Variants in RASA1 observed in about 807,000 individuals in gnomAD.
The protein encoded by RASA1 is RAS p21 protein activator 1, also known as ras GTPase-activating protein 1.
A neutral mutation model predicts 132.2 loss-of-function variants in RASA1; 25 were observed. That is an observed-to-expected ratio of 0.19 (90% CI 0.14 to 0.26). The LOEUF (loss-of-function observed/expected upper bound fraction) is 0.26, where lower values mean the gene tolerates loss of function less well. Among genes scored for constraint, RASA1 ranks in the 10% least tolerant of loss-of-function variants. The pLI, the probability that RASA1 is intolerant of heterozygous loss-of-function variation, is 1.00. For synonymous variants in RASA1, 477 were observed against 449.9 expected (o/e 1.06, Z -0.76); for missense variants, 964 against 1,299.2 (o/e 0.74, Z 3.97).
intron 1 of RASA1, among the ~76,000 whole-genome samples, chr5:87,300,118 C>T (rs931194577): frequency 6.6e-6 from 1 of 152,132 alleles, no homozygotes; most frequent in African/African-American, 2.4e-5. Flanking sequence ...CCTGTAATCC[C>T]AGCACTTTGA....
chr5:87,321,943 T>C (rs935467849), intron 1 of RASA1, among the ~76,000 whole-genome samples: 1 of 152,164 alleles, frequency 6.6e-6, no homozygotes, highest in African/African-American at 2.4e-5. Flanking sequence ...GTCAGGGATA[T>C]TGTTTCCTGA....
intron 12 of RASA1, among the ~76,000 whole-genome samples, chr5:87,370,169 C>T (rs961640061): frequency 6.6e-6 from 1 of 152,126 alleles, no homozygotes; most frequent in African/African-American, 2.4e-5. Flanking sequence ...TGAGAATGCT[C>T]ATTTAAAATC....
chr5:87,311,259 A>C (rs932979972), intron 1 of RASA1, among the ~76,000 whole-genome samples: 4 of 152,210 alleles, frequency 2.6e-5, no homozygotes, highest in Non-Finnish European at 5.9e-5. Flanking sequence ...ACTTCAAGGA[A>C]AAAAACTGGC....
chr5:87,302,570 C>T (rs1477256036), intron 1 of RASA1, among the ~76,000 whole-genome samples: 5 of 150,376 alleles, frequency 3.3e-5, no homozygotes, highest in African/African-American at 1.2e-4. Flanking sequence ...ACACATAAAG[C>T]ATAGTATTCT....
At chr5:87,376,647 C>T (rs1761346481) in intron 16 of RASA1, 82 bp downstream of exon 16, 5 of 1,463,558 alleles carry the variant, frequency 3.4e-6, no homozygotes, top group African/African-American at 1.4e-5. Context: ...TTAAGGTAAA[C>T]ATAGTAATTC....
rs114640863 is a variant in RASA1 at position 87,359,355 on chromosome 5, G to A, written c.1333-3196G>A. Reference sequence around the variant, plus strand: ...ATCTAAGAACTATCTCTCAGGCTGAGAAAAGGAACACGTAGAGAAGCCTTT... The same window carrying A: ...ATCTAAGAACTATCTCTCAGGCTGAAAAAAGGAACACGTAGAGAAGCCTTT... On this transcript the variant is annotated intron_variant, in intron 9 of 24. Transcript: ENST00000274376. Among the ~76,000 whole-genome samples the A allele has an allele frequency of 7.5e-3, 1,139 of 152,280 alleles. 16 individuals are homozygous for A. The highest frequency in any genetic ancestry group is 0.027 in the African/African-American group (1,119 of 41,550).
intron 20 of RASA1, among the ~76,000 whole-genome samples, chr5:87,382,108 A>G (rs897708467): frequency 1.3e-5 from 2 of 152,128 alleles, no homozygotes; most frequent in Non-Finnish European, 2.9e-5. Flanking sequence ...ATGCACCACC[A>G]TACCTGGCTA....
rs1474653512 is a variant in RASA1 at position 87,374,221 on chromosome 5, C to T, written c.1835C>T (p.Thr612Ile). The T allele has an allele frequency of 1.3e-6, 2 of 1,584,564 alleles. No individual in the cohort carries two copies. Among genetic ancestry groups the T allele is most frequent in the East Asian group, 2.3e-5 (1 of 43,822 alleles). Residue 612 changes from threonine to isoleucine, a missense_variant, in exon 14 of 25, where the codon ACT (threonine) becomes ATT (isoleucine). Around this residue, in one of 6 missense-constraint regions of RASA1, gnomAD observed 346 missense variants for 520.1 expected, o/e 0.67. Transcript: ENST00000274376. ...CATAAACTCCCAGTAAAACATTTTA[C>T]TAATCCATATTGTAACATCTACCTG... ...EAHKLPVKHF[T>I]NPYCNIYLNS...
chr5:87,331,491 A>C lies in RASA1; in HGVS notation c.683A>C (p.Asn228Thr). Residue 228 changes from asparagine to threonine, a missense_variant, in exon 2 of 25, where the codon AAC becomes ACC. Physicochemically the swap from Asn to Thr is moderately conservative, Grantham distance 65. Coordinates refer to ENST00000274376, the MANE Select transcript of RASA1 (RefSeq NM_002890.3). ...LSFLSQMNVVNHFRIIAMCGD... is the reference protein window; with the variant it reads ...LSFLSQMNVVTHFRIIAMCGD... Reference sequence around the variant, plus strand: ...TTTCTTAGCCAGATGAATGTTGTCAACCATTTTAGGTAAGTCTTTATTCCT... The same window carrying C: ...TTTCTTAGCCAGATGAATGTTGTCACCCATTTTAGGTAAGTCTTTATTCCT... 9 of 1,613,784 alleles carry C rather than the reference A, an allele frequency of 5.6e-6. No homozygotes were observed. The highest frequency in any genetic ancestry group is 7.6e-6 in the Non-Finnish European group (9 of 1,179,778).
intron 9 of RASA1, among the ~76,000 whole-genome samples, chr5:87,357,852 A>C (rs1020375287): frequency 1.3e-5 from 2 of 152,218 alleles, no homozygotes; most frequent in Non-Finnish European, 2.9e-5. Flanking sequence ...GGTTTTGCAG[A>C]AGTGCCTATA....
intron 1 of RASA1, among the ~76,000 whole-genome samples, chr5:87,321,402 A>G (rs1046568837): frequency 1.3e-5 from 2 of 152,098 alleles, no homozygotes; most frequent in Non-Finnish European, 2.9e-5. Context: ...CAGATTCCCA[A>G]CGGCTGAGGG....
chr5:87,378,018 T>C (rs1362711846), intron 17 of RASA1, among the ~76,000 whole-genome samples: 2 of 152,228 alleles, frequency 1.3e-5, no homozygotes, highest in East Asian at 3.8e-4. Context: ...TGTTATATCC[T>C]TAATTGTAAA....
intron 4 of RASA1, among the ~76,000 whole-genome samples, chr5:87,337,484 A>G (rs1162384214): frequency 6.6e-6 from 1 of 152,072 alleles, no homozygotes; most frequent in African/African-American, 2.4e-5. Context: ...CATCTACATC[A>G]TGCTTATCTA....
chr5:87,357,237 AAT>A (rs978992549), intron 9 of RASA1, among the ~76,000 whole-genome samples: 1 of 151,832 alleles, frequency 6.6e-6, no homozygotes, highest in African/African-American at 2.4e-5. Context: ...CACATATATA[AAT>A]ATATATATGT....
intron 23 of RASA1, among the ~76,000 whole-genome samples, 165 bp downstream of exon 23, chr5:87,387,068 T>G (rs1314990396): frequency 6.6e-6 from 1 of 152,194 alleles, no homozygotes; most frequent in South Asian, 2.1e-4. Flanking sequence ...TATTTTTGTT[T>G]GTAATTAAAA....
intron 1 of RASA1, among the ~76,000 whole-genome samples, chr5:87,329,287 A>T (rs2112359996): frequency 6.6e-6 from 1 of 151,880 alleles, no homozygotes; most frequent in East Asian, 1.9e-4. Flanking sequence ...TCTCCAAAAA[A>T]AAAAAAAAGC....
chr5:87,377,068 C>T, intron 17 of RASA1, 28 bp downstream of exon 17: 1 of 1,600,124 alleles, frequency 6.2e-7, no homozygotes, highest in East Asian at 2.2e-5. Context: ...TAGTGTGATA[C>T]AAGAAACTGG....
intron 1 of RASA1, 91 bp downstream of exon 1, chr5:87,269,081 C>CTGTGGTT: frequency 6.2e-7 from 1 of 1,613,892 alleles, no homozygotes; most frequent in East Asian, 2.2e-5. Context: ...TCCTTTTCAT[C>CTGTGGTT]TGTGGTTTGT....
At chr5:87,348,688 T>C (rs1237795300) in intron 7 of RASA1, among the ~76,000 whole-genome samples, 2 of 151,738 alleles carry the variant, frequency 1.3e-5, no homozygotes, top group African/African-American at 4.8e-5. Flanking sequence ...TCCAGGCTGG[T>C]ATCAAACTCC....
Sources: gnomAD v4.1 joint callset for allele counts (sites outside exome capture counted in the v4.1 genomes callset) on GRCh38, gnomAD v4.1.1 for gene constraint, gnomAD v4.1.1 regional missense constraint, MANE v1.5 for transcripts, NCBI Gene and HGNC (gene_info 2026-07-23, HGNC 2026-07-21) for gene names.